SLC30A5: variants seen among roughly 807,000 people sequenced by gnomAD.
The protein encoded by SLC30A5 is solute carrier family 30 member 5, also known as proton-coupled zinc antiporter SLC30A5.
Under a neutral mutation model 79.6 loss-of-function variants are expected in SLC30A5, and 33 were observed. The observed-to-expected ratio is 0.41, with a 90% CI of 0.31 to 0.55. The LOEUF (loss-of-function observed/expected upper bound fraction) is 0.55, where lower values mean the gene tolerates loss of function less well. Among genes scored for constraint, SLC30A5 ranks in the 20% least tolerant of loss-of-function variants. The pLI, the probability that SLC30A5 is intolerant of heterozygous loss-of-function variation, is 0.20. For missense variants in SLC30A5, 788 were observed against 928.1 expected, an observed-to-expected ratio of 0.85 and a Z score of 1.96; for synonymous variants, 299 against 319.7, an observed-to-expected ratio of 0.94 and a Z score of 0.69.
intron 12 of SLC30A5, among the ~76,000 whole-genome samples, chr5:69,119,616 A>G (rs1746480971): frequency 6.6e-6 from 1 of 152,194 alleles, no homozygotes; most frequent in Non-Finnish European, 1.5e-5. Context: ...CATGAGTAAA[A>G]TGTTTCTATA....
chr5:69,109,836 A>C (rs1329446079), intron 5 of SLC30A5, among the ~76,000 whole-genome samples: 2 of 152,298 alleles, frequency 1.3e-5, no homozygotes, highest in African/African-American at 4.8e-5. Context: ...CTGGCTGAAC[A>C]ACAAATGCAC....
chr5:69,121,756 T>A lies in SLC30A5; in HGVS notation c.1632T>A (p.His544Gln). ...LIGICAFSHA[H>Q]SHAHGASQGS... ...GTATCTGTGCCTTTAGCCATGCCCA[T>A]AGCCATGCCCATGGAGCTTCTCAAG... Residue 544 changes from histidine to glutamine, a missense_variant, in exon 13 of 16, where the codon CAT (histidine) becomes CAA (glutamine). By Grantham distance (24) the His-to-Gln change is conservative (BLOSUM62 0). Coordinates refer to ENST00000396591, the MANE Select transcript of SLC30A5 (RefSeq NM_022902.5). 1 of 1,612,880 alleles carries A rather than the reference T, an allele frequency of 6.2e-7. No individual in the cohort carries two copies.
chr5:69,121,638 T>C, intron 12 of SLC30A5, 56 bp from the exon 13 acceptor site: 1 of 1,241,962 alleles, frequency 8.1e-7, no homozygotes, highest in Non-Finnish European at 1.1e-6. Context: ...AACTTTTAAA[T>C]AACAAGTCTA....
rs752394224 is a variant in SLC30A5 at position 69,103,069 on chromosome 5, T to C, written c.214T>C (p.Phe72Leu). 6.5e-7 allele frequency: 1 copy of C among 1,544,546 alleles called. No homozygotes were observed. The highest frequency in any genetic ancestry group is 1.4e-5 in the African/African-American group (1 of 73,332). ...FIFILKLGTA[F>L]FMVLFQKPFS... Reference sequence around the variant, plus strand: ...ATGTTTCAATATTTACAGGACTGCATTTTTTATGGTTTTGTTTCAAAAGCC... The same window carrying C: ...ATGTTTCAATATTTACAGGACTGCACTTTTTATGGTTTTGTTTCAAAAGCC... The change falls in exon 3 of 16, where the codon TTT becomes CTT. Residue 72 changes from phenylalanine (F) to leucine (L), a missense_variant. Physicochemically the swap from Phe to Leu is conservative, Grantham distance 22. Coordinates refer to ENST00000396591, the MANE Select transcript of SLC30A5 (RefSeq NM_022902.5).
chr5:69,118,325 G>GTGTATATATATATATATATATATGTGTA (rs60416809), intron 11 of SLC30A5, 174 bp from the exon 12 acceptor site: 3 of 188,328 alleles, frequency 1.6e-5, no homozygotes, highest in Admixed American at 7.7e-5. Context: ...ATATATATAT[G>GTGTATATATATATATATATATATGTGTA]TATATATATA....
intron 3 of SLC30A5, chr5:69,104,099 A>C: frequency 6.7e-7 from 1 of 1,487,366 alleles, no homozygotes. Flanking sequence ...ACCAGCAGAC[A>C]AGAATATAGA....
At position 69,129,473 on chromosome 5, in the gene SLC30A5, A is replaced by G; in HGVS notation, c.2154A>G (p.Gly718=). 6.2e-7 allele frequency: 1 copy of G among 1,612,932 alleles called. No individual in the cohort carries two copies. The highest frequency in any genetic ancestry group is 8.5e-7 in the Non-Finnish European group (1 of 1,179,722). The change falls in exon 16 of 16, where the codon GGA becomes GGG. Residue 718 remains glycine, a synonymous_variant. Coordinates refer to ENST00000396591, the MANE Select transcript of SLC30A5 (RefSeq NM_022902.5). ...TTACAGGAATACTTAAAGATGCTGG[A>G]GTAAACAATTTAACAATTCAAGTGG... ...QQVTGILKDA[G]VNNLTIQVEK...
intron 2 of SLC30A5, 166 bp from the exon 3 acceptor site, chr5:69,102,896 T>G: frequency 2.7e-6 from 1 of 368,198 alleles, no homozygotes; most frequent in Non-Finnish European, 5.0e-6. Flanking sequence ...AATATTGCAA[T>G]AGGAGTTTTA....
intron 5 of SLC30A5, among the ~76,000 whole-genome samples, chr5:69,111,722 T>C (rs752588966): frequency 7.2e-5 from 11 of 152,244 alleles, no homozygotes; most frequent in Non-Finnish European, 1.3e-4. Flanking sequence ...ATATCCTAAC[T>C]CAGTGAAAAC....
rs542843214 is a variant in SLC30A5 at position 69,102,013 on chromosome 5, G to T, written c.207-1049G>T. On this transcript the variant is annotated intron_variant, in intron 2 of 15. Coordinates refer to ENST00000396591, the MANE Select transcript of SLC30A5 (RefSeq NM_022902.5). Reference sequence around the variant, plus strand: ...TATAATTTTGGTAAGTTGGGAAAGAGATTATTGACTAGGAAATATTAAGCA... The same window carrying T: ...TATAATTTTGGTAAGTTGGGAAAGATATTATTGACTAGGAAATATTAAGCA... Among the ~76,000 whole-genome samples the T allele has an allele frequency of 1.1e-4, 16 of 145,140 alleles. No individual in the cohort carries two copies. The East Asian group carries it at 2.6e-3, about 24-fold the overall frequency.
chr5:69,124,485 A>C (rs546742351), intron 14 of SLC30A5, among the ~76,000 whole-genome samples: 4 of 152,322 alleles, frequency 2.6e-5, no homozygotes, highest in African/African-American at 9.6e-5. Flanking sequence ...AAAAAAAGCT[A>C]TATCTCTATA....
chr5:69,129,550 A>G lies in SLC30A5; in HGVS notation c.2231A>G (p.Asp744Gly). 6.2e-7 allele frequency: 1 copy of G among 1,613,546 alleles called. No individual in the cohort carries two copies. Among genetic ancestry groups the G allele is most frequent in the South Asian group, 1.1e-5 (1 of 91,040 alleles). The part of the protein sequence containing the change: ...HMSGLSTGFH[D>G]VLAMTKQMES... ...TCTGGCCTAAGTACTGGATTTCATG[A>G]TGTTCTGGCTATGACAAAACAAATG... Residue 744 changes from aspartate (D) to glycine (G), a missense_variant, in exon 16 of 16, where the codon GAT becomes GGT. Physicochemically the swap from Asp to Gly is moderately conservative, Grantham distance 94. This residue lies in a region of SLC30A5 where 158 missense variants were observed against 156.2 expected (regional missense o/e 1.01). Transcript: ENST00000396591.
At chr5:69,104,587 AT>A (rs1746030353) in intron 3 of SLC30A5, 43 bp from the exon 4 acceptor site, 1 of 1,486,642 alleles carries the variant, frequency 6.7e-7, no homozygotes, top group Admixed American at 2.5e-5. Context: ...ATATAGCAAA[AT>A]ATATGTGACT....
At position 69,116,610 on chromosome 5, in the gene SLC30A5, T is replaced by C. The variant is rs768407299; in HGVS notation, c.1281+8T>C. 2 of 1,510,478 alleles carry C rather than the reference T, an allele frequency of 1.3e-6. No individual in the cohort carries two copies. The highest frequency in any genetic ancestry group is 1.8e-6 in the Non-Finnish European group (2 of 1,125,142). The allele number at this position is 1,510,478 out of a possible 1,614,324, so 93.6% of individuals were successfully genotyped here. ...TTCTTGTGCTTGAATCTGGTAAGAT[T>C]TTTAAATGTTAATTGACATATCCTA... is the stretch of plus-strand genomic sequence containing the variant. On this transcript the variant is annotated splice_region_variant and intron_variant, in intron 10 of 15. Coordinates refer to ENST00000396591, the MANE Select transcript of SLC30A5 (RefSeq NM_022902.5). The surrounding 1 kb of genome is among the most constrained non-coding windows in gnomAD (Gnocchi z 4.0).
intron 7 of SLC30A5, among the ~76,000 whole-genome samples, chr5:69,114,844 A>C (rs1746320711): frequency 6.6e-6 from 1 of 152,224 alleles, no homozygotes; most frequent in Non-Finnish European, 1.5e-5. Flanking sequence ...CAGCCTGGGC[A>C]ACAAAAGCGA....
At chr5:69,119,687 C>T (rs1351961055) in intron 12 of SLC30A5, among the ~76,000 whole-genome samples, 1 of 152,062 alleles carries the variant, frequency 6.6e-6, no homozygotes, top group African/African-American at 2.4e-5. Flanking sequence ...TTGATATTGA[C>T]TATTTATCAT....
At chr5:69,097,897 C>A (rs1415044938) in intron 1 of SLC30A5, among the ~76,000 whole-genome samples, 2 of 151,946 alleles carry the variant, frequency 1.3e-5, no homozygotes, top group Non-Finnish European at 2.9e-5. Context: ...GATGAAAAAC[C>A]AGGCTAAGTA....
At chr5:69,109,082 C>A (rs1445901910) in intron 5 of SLC30A5, among the ~76,000 whole-genome samples, 2 of 152,080 alleles carry the variant, frequency 1.3e-5, no homozygotes, top group African/African-American at 4.8e-5. Context: ...AACTTCTTAA[C>A]CAACTCAAGT....
At chr5:69,113,306 T>A in intron 6 of SLC30A5, 79 bp downstream of exon 6, 1 of 1,040,650 alleles carries the variant, frequency 9.6e-7, no homozygotes, top group South Asian at 1.4e-5. Context: ...AAAGAAAGGA[T>A]AAGTGAATTA....
Sources: allele counts gnomAD v4.1 joint callset (sites outside exome capture counted in the v4.1 genomes callset), GRCh38; gene constraint gnomAD v4.1.1; regional missense constraint gnomAD v4.1.1; non-coding constraint Gnocchi (gnomAD v3.1); transcripts MANE v1.5; gene names NCBI Gene and HGNC (gene_info 2026-07-23, HGNC 2026-07-21).